TBC1D5: variants seen among roughly 807,000 people sequenced by gnomAD.
The protein encoded by TBC1D5 is TBC1 domain family, member 5.
Under a neutral mutation model 100.3 loss-of-function variants are expected in TBC1D5, and 75 were observed. That is an observed-to-expected ratio of 0.75 (90% CI 0.62 to 0.91). The LOEUF (loss-of-function observed/expected upper bound fraction) is 0.91. Ranked by LOEUF, TBC1D5 falls within the 40% of genes least tolerant of loss-of-function variation. The pLI, the probability that TBC1D5 is intolerant of heterozygous loss-of-function variation, is 0.00. For missense variants in TBC1D5, 910 were observed against 942.4 expected, an observed-to-expected ratio of 0.97 and a Z score of 0.45; for synonymous variants, 323 against 325.6, an observed-to-expected ratio of 0.99 and a Z score of 0.09.
chr3:17,326,549 T>C (rs757987021), intron 13 of TBC1D5, among the ~76,000 whole-genome samples: 3 of 152,190 alleles, frequency 2.0e-5, no homozygotes, highest in Non-Finnish European at 4.4e-5. Flanking sequence ...CATGGCTTAC[T>C]GCAGCCTCAA....
chr3:17,695,416 T>C (rs1299061238), intron 1 of TBC1D5, among the ~76,000 whole-genome samples: 3 of 151,368 alleles, frequency 2.0e-5, no homozygotes, highest in Non-Finnish European at 1.5e-5. Context: ...ACCAAGCAAA[T>C]GGAAAGCAAA....
chr3:17,298,455 A>G (rs1433309502), intron 14 of TBC1D5, among the ~76,000 whole-genome samples: 1 of 152,210 alleles, frequency 6.6e-6, no homozygotes, highest in Non-Finnish European at 1.5e-5. Flanking sequence ...AAGGGCTGTG[A>G]TAATTGCTAA....
chr3:17,507,064 A>G (rs2095852216), intron 3 of TBC1D5, among the ~76,000 whole-genome samples: 1 of 152,200 alleles, frequency 6.6e-6, no homozygotes, highest in South Asian at 2.1e-4. Context: ...TCCTCAAATA[A>G]CCATAGTAAT....
chr3:17,271,920 A>T (rs765690789), intron 15 of TBC1D5, among the ~76,000 whole-genome samples: 11 of 152,166 alleles, frequency 7.2e-5, no homozygotes, highest in Non-Finnish European at 1.5e-4. Flanking sequence ...ACCATCTGCA[A>T]CCCAGTCATT....
chr3:17,538,607 A>G (rs1236615664), intron 2 of TBC1D5, among the ~76,000 whole-genome samples: 2 of 152,166 alleles, frequency 1.3e-5, no homozygotes, highest in Non-Finnish European at 2.9e-5. Flanking sequence ...GCCTTAAACC[A>G]ACTACTGCCC....
At chr3:17,728,834 A>T (rs1191302235) in intron 1 of TBC1D5, among the ~76,000 whole-genome samples, 1 of 152,022 alleles carries the variant, frequency 6.6e-6, no homozygotes, top group Non-Finnish European at 1.5e-5. Context: ...TCTTTCTAAC[A>T]TTATCCCAAA....
intron 15 of TBC1D5, among the ~76,000 whole-genome samples, chr3:17,273,935 T>C (rs1360010603): frequency 6.6e-6 from 1 of 151,482 alleles, no homozygotes; most frequent in Non-Finnish European, 1.5e-5. Context: ...GCCTTGTTGA[T>C]ACTCTTTCTT....
At chr3:17,238,393 T>C in exon 17 of TBC1D5, 2 of 1,613,650 alleles carry the variant, frequency 1.2e-6, no homozygotes, top group Non-Finnish European at 1.7e-6. Flanking sequence ...CTTATTTATA[T>C]TCAGGGGAGC....
At chr3:17,349,480 T>A (rs1171487068) in intron 13 of TBC1D5, among the ~76,000 whole-genome samples, 2 of 152,204 alleles carry the variant, frequency 1.3e-5, no homozygotes, top group Non-Finnish European at 2.9e-5. Flanking sequence ...TTCATTTGAG[T>A]GATACTTCTC....
chr3:17,332,915 C>A (rs1404316964), intron 13 of TBC1D5, among the ~76,000 whole-genome samples: 1 of 152,118 alleles, frequency 6.6e-6, no homozygotes, highest in Non-Finnish European at 1.5e-5. Context: ...TGTCCCTCTA[C>A]TCTTCTTGTA....
chr3:17,215,662 G>A (rs549405384), intron 17 of TBC1D5, among the ~76,000 whole-genome samples: 2 of 152,266 alleles, frequency 1.3e-5, no homozygotes, highest in African/African-American at 4.8e-5. Context: ...TATCAATGGA[G>A]AAGGGATAGA....
intron 1 of TBC1D5, among the ~76,000 whole-genome samples, chr3:17,694,855 G>A (rs185969277): frequency 5.3e-5 from 8 of 152,216 alleles, no homozygotes; most frequent in African/African-American, 1.9e-4. Context: ...GAGAAAGGTC[G>A]AGTTACCCAC....
intron 3 of TBC1D5, among the ~76,000 whole-genome samples, chr3:17,448,355 T>A (rs1006634955): frequency 4.6e-5 from 7 of 152,216 alleles, no homozygotes; most frequent in Non-Finnish European, 1.0e-4. Context: ...TTCAGGCTGA[T>A]ATTTTGACCT....
At chr3:17,500,417 C>T (rs1329634758) in intron 3 of TBC1D5, among the ~76,000 whole-genome samples, 2 of 149,322 alleles carry the variant, frequency 1.3e-5, no homozygotes, top group Non-Finnish European at 2.9e-5. Context: ...GAATATTCTT[C>T]GCCATCTAAA....
At chr3:17,367,379 G>A (rs1034514089) in intron 13 of TBC1D5, among the ~76,000 whole-genome samples, 6 of 151,926 alleles carry the variant, frequency 3.9e-5, no homozygotes, top group Admixed American at 2.0e-4. Flanking sequence ...TGAAATCTCA[G>A]GACATTCTTA....
At chr3:17,367,915 C>A (rs959099918) in intron 13 of TBC1D5, among the ~76,000 whole-genome samples, 1 of 151,870 alleles carries the variant, frequency 6.6e-6, no homozygotes, top group South Asian at 2.1e-4. Flanking sequence ...AGAGAAACTT[C>A]ATTCTATGTG....
intron 2 of TBC1D5, among the ~76,000 whole-genome samples, chr3:17,603,530 G>A (rs1002950794): frequency 1.3e-5 from 2 of 152,112 alleles, no homozygotes; most frequent in African/African-American, 2.4e-5. Flanking sequence ...TCTCAGTTCC[G>A]GAATTCCCCA....
intron 4 of TBC1D5, among the ~76,000 whole-genome samples, chr3:17,407,571 T>C (rs1484934021): frequency 2.0e-5 from 3 of 152,174 alleles, no homozygotes; most frequent in African/African-American, 7.2e-5. Flanking sequence ...GGCCAGACCC[T>C]ACTTATTTTG....
rs1309274695 is a variant in TBC1D5, at chr3:17,335,587, A to T, written c.996-27453T>A. Among the ~76,000 whole-genome samples, 5 of 152,260 alleles carry T rather than the reference A, an allele frequency of 3.3e-5. No individual in the cohort carries two copies. In the East Asian group the frequency reaches 7.7e-4, roughly 23 times the overall value. ...TCCACAAAAAGTATCATTAATACCG[A>T]CTTGTACACTTAATCTGCTTTAAAG... On this transcript the variant is annotated intron_variant, in intron 13 of 21. Coordinates refer to ENST00000253692, the Ensembl canonical transcript of TBC1D5.
Sources: allele counts gnomAD v4.1 joint callset (sites outside exome capture counted in the v4.1 genomes callset), GRCh38; gene constraint gnomAD v4.1.1; transcripts MANE v1.5; gene names NCBI Gene and HGNC (gene_info 2026-07-23, HGNC 2026-07-21).